The following PPP1R42 variants were observed in gnomAD, a reference collection of about 807,000 sequenced individuals.
PPP1R42 encodes the protein protein phosphatase 1 regulatory subunit 42, also known as leucine rich repeat containing 67.
In PPP1R42, 34 loss-of-function variants were observed where a neutral mutation model predicts 31.0. That is an observed-to-expected ratio of 1.10 (90% CI 0.83 to 1.46). The LOEUF (loss-of-function observed/expected upper bound fraction) is 1.46. Among genes scored for constraint, PPP1R42 ranks in the 40% most tolerant of loss-of-function variants. The probability of loss-of-function intolerance (pLI) is 0.00; values close to 1 mark genes in which losing one functional copy is unlikely to be tolerated. For synonymous variants in PPP1R42, 103 were observed against 109.8 expected (o/e 0.94, Z 0.39); for missense variants, 268 against 303.0 (o/e 0.88, Z 0.86).
At position 66,986,592 on chromosome 8, in the gene PPP1R42, G is replaced by T. The variant is rs188078619; in HGVS notation, c.670+1808C>A. ...TTCCTGGAGGCAGAGCGCATGCGTC[G>T]CAGAACCGAAACGTTTCCGTGAACA... On this transcript the variant is annotated intron_variant, in intron 6 of 7. Coordinates refer to ENST00000685739, the MANE Select transcript of PPP1R42 (RefSeq NM_001364910.1). Among the ~76,000 whole-genome samples the T allele has an allele frequency of 1.4e-3, 207 of 152,278 alleles. 2 individuals carry two copies. Among genetic ancestry groups the T allele is most frequent in the Middle Eastern group, 3.4e-3 (1 of 294 alleles).
At chr8:66,997,503 C>G (rs1236483799) in intron 5 of PPP1R42, among the ~76,000 whole-genome samples, 1 of 150,398 alleles carries the variant, frequency 6.6e-6, no homozygotes, top group African/African-American at 2.4e-5. Flanking sequence ...CTCAGACTCC[C>G]AGAGAGCTAG....
rs1448944689 is a variant in PPP1R42, at chr8:67,014,582, G to C, written c.140C>G (p.Ser47Cys). ...TAAAACACTAAGATTTTTGCAAAGA[G>C]AGAGGTCTTCCTAAAAGGGAAACAA... ...DKNIDAIEDL[S>C]LCKNLSVLYL... Residue 47 changes from serine (S) to cysteine (C), a missense_variant, in exon 3 of 8, where the codon TCT (serine) becomes TGT (cysteine). By Grantham distance (112) the Ser-to-Cys change is moderately radical (BLOSUM62 -1). Transcript: ENST00000685739. 2 of 1,530,282 alleles carry C rather than the reference G, an allele frequency of 1.3e-6. No individual in the cohort carries two copies. Among genetic ancestry groups the C allele is most frequent in the Non-Finnish European group, 1.8e-6 (2 of 1,129,342 alleles). 94.8% of individuals were successfully genotyped at this position (1,530,282 alleles called of 1,614,324 possible).
At chr8:66,968,620 C>G in intron 7 of PPP1R42, 2 of 262,102 alleles carry the variant, frequency 7.6e-6, no homozygotes, top group Non-Finnish European at 1.2e-5. Context: ...TAACACTTTA[C>G]TGACCTTCTA....
At chr8:66,989,907 G>A (rs537777821) in intron 5 of PPP1R42, among the ~76,000 whole-genome samples, 2 of 152,260 alleles carry the variant, frequency 1.3e-5, no homozygotes, top group South Asian at 2.1e-4. Context: ...TAATAAATGT[G>A]TCAGTTCTCT....
At chr8:67,012,309 C>A (rs1370090325) in intron 4 of PPP1R42, among the ~76,000 whole-genome samples, 1 of 151,992 alleles carries the variant, frequency 6.6e-6, no homozygotes, top group South Asian at 2.1e-4. Flanking sequence ...TGTGTCCTGC[C>A]CCAGAATTAA....
intron 7 of PPP1R42, among the ~76,000 whole-genome samples, chr8:66,966,128 C>T (rs944055141): frequency 4.6e-5 from 7 of 152,134 alleles, no homozygotes; most frequent in African/African-American, 1.7e-4. Flanking sequence ...CAGATGATTT[C>T]ATAATCGAGA....
chr8:66,973,775 C>T (rs902767442), intron 7 of PPP1R42, among the ~76,000 whole-genome samples: 5 of 152,178 alleles, frequency 3.3e-5, no homozygotes, highest in African/African-American at 1.2e-4. Context: ...GGAAATAGCA[C>T]TCCACTCTTT....
At chr8:67,020,591 T>C (rs944001878) in intron 1 of PPP1R42, among the ~76,000 whole-genome samples, 7 of 152,214 alleles carry the variant, frequency 4.6e-5, no homozygotes, top group Admixed American at 3.9e-4. Context: ...CTTCAATTTC[T>C]TACAAAATAA....
At chr8:66,974,413 G>C (rs925591170) in intron 7 of PPP1R42, among the ~76,000 whole-genome samples, 2 of 152,148 alleles carry the variant, frequency 1.3e-5, no homozygotes, top group African/African-American at 4.8e-5. Context: ...AATTAGCCGG[G>C]TGTGGTGGTA....
At chr8:67,012,660 T>A (rs150861713) in intron 4 of PPP1R42, among the ~76,000 whole-genome samples, 4 of 152,342 alleles carry the variant, frequency 2.6e-5, no homozygotes, top group African/African-American at 9.6e-5. Flanking sequence ...ATCACCAAGG[T>A]CCACATTATG....
At chr8:66,986,763 G>T (rs993665088) in intron 6 of PPP1R42, among the ~76,000 whole-genome samples, 1 of 152,198 alleles carries the variant, frequency 6.6e-6, no homozygotes, top group Non-Finnish European at 1.5e-5. Flanking sequence ...GAAGAGTGAG[G>T]CTTCTGCGTT....
At chr8:66,970,926 G>A (rs1814522425) in intron 7 of PPP1R42, 8 of 1,260,804 alleles carry the variant, frequency 6.3e-6, no homozygotes, top group Non-Finnish European at 8.9e-6. Context: ...TTACTGTGAA[G>A]ATGTCTCCTC....
chr8:67,013,171 AAT>A, intron 3 of PPP1R42, 75 bp from the exon 4 acceptor site: 2 of 1,228,670 alleles, frequency 1.6e-6, no homozygotes, highest in Non-Finnish European at 1.1e-6. Context: ...ACAAAAGTGT[AAT>A]AACAAAATCA....
intron 5 of PPP1R42, among the ~76,000 whole-genome samples, chr8:66,994,781 G>A (rs993909996): frequency 6.6e-6 from 1 of 152,046 alleles, no homozygotes; most frequent in African/African-American, 2.4e-5. Context: ...AAAAACATTT[G>A]AATATTAATT....
intron 5 of PPP1R42, among the ~76,000 whole-genome samples, chr8:67,006,488 C>A (rs1027934173): frequency 6.6e-6 from 1 of 152,112 alleles, no homozygotes. Flanking sequence ...GACTGAGTAC[C>A]TAAGTACAGG....
intron 6 of PPP1R42, chr8:66,985,900 CT>C: frequency 1.1e-6 from 1 of 929,752 alleles, no homozygotes; most frequent in Non-Finnish European, 1.7e-6. Context: ...TTTGCTGCTT[CT>C]TTACTCCTGA....
At chr8:67,025,544 GTTT>G (rs112945724) in intron 1 of PPP1R42, among the ~76,000 whole-genome samples, 1 of 141,422 alleles carries the variant, frequency 7.1e-6, no homozygotes, top group Admixed American at 7.1e-5. Context: ...CCATCTTAGG[GTTT>G]TTTTTTTTTT....
At chr8:66,968,507 A>G (rs1277963248) in intron 7 of PPP1R42, 1 of 984,314 alleles carries the variant, frequency 1.0e-6, no homozygotes, top group Non-Finnish European at 1.2e-6. Flanking sequence ...TGCTGATGCC[A>G]GCTCATTCTT....
Position 66,964,215 on chromosome 8 carries a change from G to C in PPP1R42, c.*106C>G. 1 of 718,412 alleles carries C rather than the reference G, an allele frequency of 1.4e-6. No individual in the cohort carries two copies. Among genetic ancestry groups the C allele is most frequent in the Non-Finnish European group, 2.1e-6 (1 of 467,754 alleles). The allele number at this position is 718,412 out of a possible 1,614,324, so 44.5% of individuals were successfully genotyped here. A position where few individuals can be genotyped will look rare whatever the true frequency, so the allele number is the denominator to read the frequency against. ...AAATCAAACGTTTCCTGTCACTTGA[G>C]GCTGAATTTACTCATTTTCCACAAA... is the stretch of plus-strand genomic sequence containing the variant. On this transcript the variant is annotated 3_prime_UTR_variant, in exon 8 of 8. Coordinates refer to ENST00000685739, the MANE Select transcript of PPP1R42 (RefSeq NM_001364910.1).
Sources: allele counts gnomAD v4.1 joint callset (sites outside exome capture counted in the v4.1 genomes callset), GRCh38; gene constraint gnomAD v4.1.1; transcripts MANE v1.5; gene names NCBI Gene and HGNC (gene_info 2026-07-23, HGNC 2026-07-21).